Variants in GABRB2 observed in about 807,000 individuals in gnomAD.
GABRB2 encodes the protein gamma-aminobutyric acid receptor subunit beta-2.
In GABRB2, 16 loss-of-function variants were observed where a neutral mutation model predicts 54.7. That is an observed-to-expected ratio of 0.29 (90% CI 0.20 to 0.44). GABRB2 has a LOEUF of 0.44. Among genes scored for constraint, GABRB2 ranks in the 20% least tolerant of loss-of-function variants. The probability of loss-of-function intolerance (pLI) is 1.00; values close to 1 mark genes in which losing one functional copy is unlikely to be tolerated. For synonymous variants in GABRB2, 244 were observed against 233.8 expected, an observed-to-expected ratio of 1.04 and a Z score of -0.40; for missense variants, 355 against 644.0, an observed-to-expected ratio of 0.55 and a Z score of 4.86.
intron 3 of GABRB2, among the ~76,000 whole-genome samples, chr5:161,543,160 A>T: frequency 6.6e-6 from 1 of 152,204 alleles, no homozygotes; most frequent in East Asian, 1.9e-4. Flanking sequence ...TTACAACCTG[A>T]TATTCATTTT....
chr5:161,419,561 G>A (rs141867724), intron 4 of GABRB2, among the ~76,000 whole-genome samples: 21 of 152,260 alleles, frequency 1.4e-4, no homozygotes, highest in African/African-American at 4.1e-4. Context: ...ATCAACCTAC[G>A]TGTCCATCAA....
At chr5:161,428,665 T>A (rs1380554327) in intron 4 of GABRB2, among the ~76,000 whole-genome samples, 1 of 152,214 alleles carries the variant, frequency 6.6e-6, no homozygotes, top group Non-Finnish European at 1.5e-5. Flanking sequence ...AATATTAATC[T>A]ATTCATAGAT....
intron 9 of GABRB2, among the ~76,000 whole-genome samples, chr5:161,308,758 G>A (rs890130828): frequency 6.6e-6 from 1 of 152,168 alleles, no homozygotes. Flanking sequence ...AACAAGCAAT[G>A]GGGAAAGGAA....
chr5:161,337,050 A>G (rs1754014747), intron 5 of GABRB2, among the ~76,000 whole-genome samples: 1 of 152,164 alleles, frequency 6.6e-6, no homozygotes, highest in Non-Finnish European at 1.5e-5. Flanking sequence ...AACTAGGAAT[A>G]GTATAGTTGG....
intron 4 of GABRB2, among the ~76,000 whole-genome samples, chr5:161,422,903 A>C (rs1756888716): frequency 6.6e-6 from 1 of 152,184 alleles, no homozygotes; most frequent in South Asian, 2.1e-4. Context: ...AAAGTAGAAA[A>C]GATGATAAAA....
At chr5:161,534,184 A>C (rs1014897470) in intron 3 of GABRB2, among the ~76,000 whole-genome samples, 4 of 152,140 alleles carry the variant, frequency 2.6e-5, no homozygotes, top group African/African-American at 9.7e-5. Flanking sequence ...TGCATTTGAT[A>C]ATTTTTGAAG....
chr5:161,460,268 ATGTGTGTGTGTGTG>A (rs57673547), intron 3 of GABRB2, among the ~76,000 whole-genome samples: 10 of 148,570 alleles, frequency 6.7e-5, no homozygotes, highest in Non-Finnish European at 9.0e-5. Flanking sequence ...TTATATATAT[ATGTGTGTGTGTGTG>A]TGTGTGTGTG....
At chr5:161,435,632 G>A (rs192984003) in intron 4 of GABRB2, among the ~76,000 whole-genome samples, 5 of 152,232 alleles carry the variant, frequency 3.3e-5, no homozygotes, top group East Asian at 1.9e-4. Flanking sequence ...GGAAGAGGGC[G>A]GGAAAGAGAA....
At chr5:161,450,424 G>A (rs1757758519) in intron 4 of GABRB2, among the ~76,000 whole-genome samples, 1 of 152,086 alleles carries the variant, frequency 6.6e-6, no homozygotes, top group South Asian at 2.1e-4. Flanking sequence ...AATGAGCCCT[G>A]GATTATTTCC....
chr5:161,338,745 C>T (rs958317418), intron 5 of GABRB2, among the ~76,000 whole-genome samples: 1 of 152,014 alleles, frequency 6.6e-6, no homozygotes, highest in Non-Finnish European at 1.5e-5. Context: ...ATGATGGCAC[C>T]ACTGCACTCC....
intron 3 of GABRB2, among the ~76,000 whole-genome samples, chr5:161,538,010 A>T (rs1760697139): frequency 6.6e-6 from 1 of 151,954 alleles, no homozygotes; most frequent in South Asian, 2.1e-4. Flanking sequence ...CATGTAATAT[A>T]TTAGTATATT....
intron 8 of GABRB2, chr5:161,327,041 GACACAC>G (rs150178203): frequency 4.7e-4 from 233 of 495,642 alleles, no homozygotes; most frequent in African/African-American, 2.0e-3. Context: ...ATTCCATTAG[GACACAC>G]ACACACACAC....
chr5:161,480,101 A>T (rs1401187605), intron 3 of GABRB2, among the ~76,000 whole-genome samples: 1 of 151,930 alleles, frequency 6.6e-6, no homozygotes, highest in Non-Finnish European at 1.5e-5. Flanking sequence ...GAGGCCATCA[A>T]ATGTCAGTCA....
chr5:161,299,798 C>A (rs1757484052), intron 9 of GABRB2, among the ~76,000 whole-genome samples: 1 of 152,114 alleles, frequency 6.6e-6, no homozygotes, highest in South Asian at 2.1e-4. Context: ...TAATTCATCT[C>A]ATTTAAAGAT....
chr5:161,334,695 G>A lies in GABRB2; in HGVS notation c.832+57C>T, dbSNP rs113333864. ...CAGGATAAGGAAAACGCGTGCATGC[G>A]AACACAGAAATGTACACACAGAGTC... On this transcript the variant is annotated intron_variant, in intron 7 of 9. Transcript: ENST00000393959. 5,496 of 1,576,290 alleles carry A rather than the reference G, an allele frequency of 3.5e-3. 133 individuals carry two copies. In the African/African-American group the frequency reaches 0.059, roughly 17 times the overall value.
At chr5:161,431,514 C>G (rs572940834) in intron 4 of GABRB2, among the ~76,000 whole-genome samples, 1 of 152,266 alleles carries the variant, frequency 6.6e-6, no homozygotes, top group Admixed American at 6.5e-5. Flanking sequence ...CTTCCTTTTA[C>G]ATAACTGGCA....
intron 3 of GABRB2, among the ~76,000 whole-genome samples, chr5:161,475,431 T>C (rs1281154249): frequency 6.6e-6 from 1 of 151,910 alleles, no homozygotes; most frequent in African/African-American, 2.4e-5. Context: ...CTCTCCAATC[T>C]CATCCAGAAA....
rs562661636 is a variant in GABRB2, at chr5:161,401,953, G to A, written c.541+9022C>T. Reference sequence around the variant, plus strand: ...GCCACTTGTTACATGTGGCTATTGAGCACATGAAAATATGCCTCCTGTAAA... The same window carrying A: ...GCCACTTGTTACATGTGGCTATTGAACACATGAAAATATGCCTCCTGTAAA... On this transcript the variant is annotated intron_variant, in intron 5 of 9. Coordinates refer to ENST00000393959, the MANE Select transcript of GABRB2 (RefSeq NM_001371727.1). Among the ~76,000 whole-genome samples, 11 of 152,102 alleles carry A rather than the reference G, an allele frequency of 7.2e-5. No individual in the cohort carries two copies. In the South Asian group the frequency reaches 2.3e-3, roughly 32 times the overall value.
At chr5:161,467,529 T>G (rs1445256614) in intron 3 of GABRB2, among the ~76,000 whole-genome samples, 1 of 152,104 alleles carries the variant, frequency 6.6e-6, no homozygotes, top group Non-Finnish European at 1.5e-5. Context: ...CCACAATTGT[T>G]CAGCATAGCA....
Sources: gnomAD v4.1 joint callset for allele counts (sites outside exome capture counted in the v4.1 genomes callset) on GRCh38, gnomAD v4.1.1 for gene constraint, MANE v1.5 for transcripts, NCBI Gene and HGNC (gene_info 2026-07-23, HGNC 2026-07-21) for gene names.